NRG1: variants seen among roughly 807,000 people sequenced by gnomAD.
The protein encoded by NRG1 is neuregulin 1.
Under a neutral mutation model 63.8 loss-of-function variants are expected in NRG1, and 18 were observed. That is an observed-to-expected ratio of 0.28 (90% confidence interval 0.19 to 0.42). The LOEUF is 0.42. NRG1 is among the 10% of genes least tolerant of loss of function. The probability of loss-of-function intolerance (pLI) is 1.00; values close to 1 mark genes in which losing one functional copy is unlikely to be tolerated. For missense variants in NRG1, 762 were observed against 814.7 expected, an observed-to-expected ratio of 0.94 and a Z score of 0.79; for synonymous variants, 302 against 301.3, an observed-to-expected ratio of 1.00 and a Z score of -0.02.
chr8:32,331,245 C>T (rs1002217198), intron 1 of NRG1, among the ~76,000 whole-genome samples: 2 of 151,826 alleles, frequency 1.3e-5, no homozygotes, highest in African/African-American at 4.8e-5. Context: ...CCTGTAATCC[C>T]AGCACTTTGG....
chr8:31,919,494 G>A (rs1833717025), intron 1 of NRG1, among the ~76,000 whole-genome samples: 1 of 151,248 alleles, frequency 6.6e-6, no homozygotes. Context: ...CAGAGGTTTA[G>A]GTATTTTATA....
At chr8:32,444,846 C>G (rs1324311261) in intron 1 of NRG1, among the ~76,000 whole-genome samples, 1 of 152,170 alleles carries the variant, frequency 6.6e-6, no homozygotes, top group Non-Finnish European at 1.5e-5. Context: ...CCTTGCCCAT[C>G]TTACCTTTAG....
chr8:31,723,771 A>G (rs1037406536), intron 1 of NRG1, among the ~76,000 whole-genome samples: 3 of 152,174 alleles, frequency 2.0e-5, no homozygotes, highest in Non-Finnish European at 4.4e-5. Flanking sequence ...TGGAGGTCCT[A>G]TCTCTAATTT....
At chr8:31,710,864 AT>A (rs1811669859) in intron 1 of NRG1, among the ~76,000 whole-genome samples, 1 of 151,844 alleles carries the variant, frequency 6.6e-6, no homozygotes, top group Non-Finnish European at 1.5e-5. Flanking sequence ...CATATGTTAA[AT>A]TTTTTGCTTT....
At chr8:32,453,353 T>C (rs1296440072) in intron 1 of NRG1, among the ~76,000 whole-genome samples, 1 of 152,212 alleles carries the variant, frequency 6.6e-6, no homozygotes, top group Admixed American at 6.5e-5. Context: ...GCTATTGAAA[T>C]GATGTGTCAG....
intron 1 of NRG1, among the ~76,000 whole-genome samples, chr8:32,414,838 G>A (rs1815632047): frequency 6.6e-6 from 1 of 152,156 alleles, no homozygotes; most frequent in South Asian, 2.1e-4. Flanking sequence ...ATGTTAAGGT[G>A]CTTCGGTTGA....
At chr8:31,949,741 C>T (rs902371516) in intron 1 of NRG1, among the ~76,000 whole-genome samples, 5 of 152,122 alleles carry the variant, frequency 3.3e-5, no homozygotes, top group South Asian at 2.1e-4. Flanking sequence ...GTTGGTACCA[C>T]GTACATTATT....
intron 1 of NRG1, among the ~76,000 whole-genome samples, chr8:32,272,808 T>C (rs958864534): frequency 1.3e-5 from 2 of 152,218 alleles, no homozygotes; most frequent in Non-Finnish European, 2.9e-5. Flanking sequence ...TAGAGATTCA[T>C]AGCAAAATAT....
chr8:31,986,259 A>C (rs1183717158), intron 1 of NRG1, among the ~76,000 whole-genome samples: 1 of 152,056 alleles, frequency 6.6e-6, no homozygotes, highest in African/African-American at 2.4e-5. Flanking sequence ...GTAAGAGATC[A>C]TTGGCTTGTG....
At chr8:32,379,484 A>G (rs1489446165) in intron 1 of NRG1, among the ~76,000 whole-genome samples, 5 of 152,194 alleles carry the variant, frequency 3.3e-5, no homozygotes, top group Non-Finnish European at 7.3e-5. Context: ...GAACTAGTCT[A>G]TCAAAATATA....
chr8:32,364,982 A>G (rs1807763791), intron 1 of NRG1, among the ~76,000 whole-genome samples: 2 of 62,452 alleles, frequency 3.2e-5, no homozygotes, highest in African/African-American at 9.0e-5. Flanking sequence ...TTTTTGAGAC[A>G]GGGTCTCACC....
chr8:31,739,038 G>A (rs1414764691), intron 1 of NRG1, among the ~76,000 whole-genome samples: 3 of 152,108 alleles, frequency 2.0e-5, no homozygotes, highest in African/African-American at 4.8e-5. Flanking sequence ...TGTGTGTGGT[G>A]TGCACGTATG....
intron 5 of NRG1, among the ~76,000 whole-genome samples, chr8:32,716,102 C>T (rs1819152776): frequency 6.6e-6 from 1 of 152,178 alleles, no homozygotes; most frequent in South Asian, 2.1e-4. Context: ...AGTGTAGCTC[C>T]TGCATATGTC....
intron 1 of NRG1, among the ~76,000 whole-genome samples, chr8:31,697,725 A>G (rs927357257): frequency 1.3e-5 from 2 of 152,144 alleles, no homozygotes; most frequent in Admixed American, 6.6e-5. Context: ...GGAGTCTTCC[A>G]CGGTTTTCAG....
chr8:31,762,645 T>C (rs1428881686), intron 1 of NRG1, among the ~76,000 whole-genome samples: 2 of 152,196 alleles, frequency 1.3e-5, no homozygotes, highest in Non-Finnish European at 2.9e-5. Context: ...CTAATTGCTC[T>C]AGCTAGGGCC....
At chr8:32,078,175 C>T (rs187957366) in intron 1 of NRG1, among the ~76,000 whole-genome samples, 6 of 152,320 alleles carry the variant, frequency 3.9e-5, no homozygotes, top group Admixed American at 1.3e-4. Context: ...TGGGGCCTCA[C>T]TGGAGGTGAT....
At chr8:32,502,273 C>A (rs1182942761) in intron 1 of NRG1, among the ~76,000 whole-genome samples, 2 of 151,110 alleles carry the variant, frequency 1.3e-5, no homozygotes, top group Non-Finnish European at 2.9e-5. Flanking sequence ...TTTTAAATGA[C>A]CAGATCTTAC....
intron 1 of NRG1, among the ~76,000 whole-genome samples, chr8:31,964,975 G>A (rs1434815501): frequency 1.3e-5 from 2 of 152,142 alleles, no homozygotes; most frequent in Non-Finnish European, 2.9e-5. Flanking sequence ...GGGACAAAAA[G>A]TACACAAGAC....
intron 1 of NRG1, among the ~76,000 whole-genome samples, chr8:31,750,012 A>T (rs1816291893): frequency 6.6e-6 from 1 of 151,804 alleles, no homozygotes; most frequent in Non-Finnish European, 1.5e-5. Flanking sequence ...AGAAAGGATG[A>T]TTCCATTCTC....
Sources: allele counts gnomAD v4.1 joint callset (sites outside exome capture counted in the v4.1 genomes callset), GRCh38; gene constraint gnomAD v4.1.1; transcripts MANE v1.5; gene names NCBI Gene and HGNC (gene_info 2026-07-23, HGNC 2026-07-21).